Variants in ENTREP1 observed in about 807,000 individuals in gnomAD.
ENTREP1 encodes the protein endosomal transmembrane epsin interactor 1.
the ENTREP1 span, among the ~76,000 whole-genome samples, chr9:69,340,758 C>T: frequency 0.099 from 705 of 7,156 alleles, 50 homozygotes; most frequent in African/African-American, 0.31. Context: ...TGTGTGTGTG[C>T]GTGCATGTGT....
chr9:69,373,656 A>T, the ENTREP1 span, among the ~76,000 whole-genome samples: 4 of 152,164 alleles, frequency 2.6e-5, no homozygotes, highest in East Asian at 5.8e-4. Context: ...CAGTGCTGCC[A>T]TTAATATCAT....
chr9:69,385,811 C>G, the ENTREP1 span: 2 of 1,172,434 alleles, frequency 1.7e-6, no homozygotes, highest in Middle Eastern at 5.1e-4. Flanking sequence ...ACATTCCTAA[C>G]ATACCTGCCG....
the ENTREP1 span, chr9:69,336,154 G>A: frequency 2.3e-6 from 2 of 872,970 alleles, no homozygotes; most frequent in South Asian, 1.8e-5. Context: ...TTTTGTGACT[G>A]AGGATTTGTT....
At chr9:69,334,781 T>C in the ENTREP1 span, among the ~76,000 whole-genome samples, 3 of 149,658 alleles carry the variant, frequency 2.0e-5, no homozygotes, top group Admixed American at 6.6e-5. Flanking sequence ...TTTTCTTTTT[T>C]TTTTTTTTTT....
At chr9:69,335,244 C>T in the ENTREP1 span, among the ~76,000 whole-genome samples, 2 of 152,142 alleles carry the variant, frequency 1.3e-5, no homozygotes, top group Non-Finnish European at 2.9e-5. Context: ...CAGGAGTTCA[C>T]AGTTAGTAGG....
At chr9:69,386,915 G>C in the ENTREP1 span, 1 of 152,274 alleles carries the variant, frequency 6.6e-6, no homozygotes, top group African/African-American at 2.4e-5. Context: ...AGGCAGCCTG[G>C]CTTCTGATTC....
chr9:69,344,799 TC>T, the ENTREP1 span, among the ~76,000 whole-genome samples: 5 of 152,204 alleles, frequency 3.3e-5, no homozygotes, highest in Non-Finnish European at 7.4e-5. Context: ...GACCTGGTTT[TC>T]CTGTGGCATG....
the ENTREP1 span, chr9:69,371,697 G>A: frequency 2.3e-6 from 2 of 888,816 alleles, no homozygotes; most frequent in South Asian, 1.3e-5. Context: ...TCAGCATCAG[G>A]CAACTGTCCT....
chr9:69,364,663 C>T, the ENTREP1 span, among the ~76,000 whole-genome samples: 2 of 152,034 alleles, frequency 1.3e-5, no homozygotes, highest in Non-Finnish European at 2.9e-5. Context: ...ATTTTGTATC[C>T]TGGAAGATGA....
chr9:69,335,388 C>A, the ENTREP1 span, among the ~76,000 whole-genome samples: 3 of 152,086 alleles, frequency 2.0e-5, no homozygotes, highest in African/African-American at 7.2e-5. Context: ...CTAAATGGGG[C>A]CTTGCAGGAT....
chr9:69,369,478 A>T, the ENTREP1 span, among the ~76,000 whole-genome samples: 3 of 152,098 alleles, frequency 2.0e-5, no homozygotes, highest in African/African-American at 7.2e-5. Flanking sequence ...ATTTCTCTAC[A>T]TCCTCTCCAG....
the ENTREP1 span, among the ~76,000 whole-genome samples, chr9:69,376,211 A>T: frequency 6.6e-6 from 1 of 152,242 alleles, no homozygotes; most frequent in African/African-American, 2.4e-5. Flanking sequence ...TATACGGTGT[A>T]GCTTTTAGCA....
At chr9:69,376,844 G>A in the ENTREP1 span, among the ~76,000 whole-genome samples, 1 of 152,208 alleles carries the variant, frequency 6.6e-6, no homozygotes, top group Non-Finnish European at 1.5e-5. Flanking sequence ...GTGTTTAGTG[G>A]AGAGAAGTCC....
the ENTREP1 span, among the ~76,000 whole-genome samples, chr9:69,378,038 A>T: frequency 2.0e-5 from 3 of 152,012 alleles, no homozygotes; most frequent in African/African-American, 7.2e-5. Flanking sequence ...TTTCTGTCTT[A>T]CTTTCTCTTT....
At chr9:69,333,332 A>G in the ENTREP1 span, among the ~76,000 whole-genome samples, 1 of 149,448 alleles carries the variant, frequency 6.7e-6, no homozygotes, top group Non-Finnish European at 1.5e-5. Flanking sequence ...TTTTTTTGAG[A>G]TGGACTCTGT....
the ENTREP1 span, among the ~76,000 whole-genome samples, chr9:69,390,113 T>C: frequency 6.6e-6 from 1 of 152,244 alleles, no homozygotes; most frequent in Non-Finnish European, 1.5e-5. Flanking sequence ...CCTAACTTAC[T>C]ATGTAGCACA....
chr9:69,343,236 C>G, the ENTREP1 span, among the ~76,000 whole-genome samples: 2 of 152,206 alleles, frequency 1.3e-5, no homozygotes, highest in Non-Finnish European at 2.9e-5. Context: ...ATCATGCTTA[C>G]AAAACAGAGT....
chr9:69,346,172 G>A, the ENTREP1 span, among the ~76,000 whole-genome samples: 3 of 151,530 alleles, frequency 2.0e-5, no homozygotes, highest in Non-Finnish European at 4.4e-5. Context: ...TAGTAGAGAC[G>A]GGGTTTCACC....
At chr9:69,352,088 A>C in the ENTREP1 span, among the ~76,000 whole-genome samples, 6 of 151,872 alleles carry the variant, frequency 4.0e-5, no homozygotes, top group African/African-American at 1.5e-4. Context: ...ATTCTGATTG[A>C]CATCTAGGTC....
Sources: gnomAD v4.1 joint callset for allele counts (sites outside exome capture counted in the v4.1 genomes callset) on GRCh38, gnomAD v4.1.1 for gene constraint, MANE v1.5 for transcripts, NCBI Gene and HGNC (gene_info 2026-07-23, HGNC 2026-07-21) for gene names.